LUC7L2: variants seen among roughly 807,000 people sequenced by gnomAD.
LUC7L2 encodes the protein putative RNA-binding protein Luc7-like 2.
A neutral mutation model predicts 52.8 loss-of-function variants in LUC7L2; 25 were observed. The observed-to-expected ratio is 0.47, with a 90% CI of 0.34 to 0.66. LUC7L2 has a LOEUF of 0.66. LUC7L2 is among the 30% of genes least tolerant of loss of function. LUC7L2 has a pLI of 0.01. For synonymous variants in LUC7L2, 144 were observed against 160.9 expected, an observed-to-expected ratio of 0.89 and a Z score of 0.80; for missense variants, 328 against 497.8, an observed-to-expected ratio of 0.66 and a Z score of 3.25.
At chr7:139,416,310 G>T (rs1795613961) in intron 8 of LUC7L2, 1 of 151,470 alleles carries the variant, frequency 6.6e-6, no homozygotes, top group South Asian at 2.1e-4. Context: ...TTGTGACCTG[G>T]TGGAGGCTAT....
At position 139,370,743 on chromosome 7, in the gene LUC7L2, C is replaced by T. The variant is rs142999848; in HGVS notation, c.62-5319C>T. Among the ~76,000 whole-genome samples, 22 of 152,372 alleles carry T rather than the reference C, an allele frequency of 1.4e-4. No individual in the cohort carries two copies. The East Asian group carries it at 4.2e-3, about 29-fold the overall frequency. ...GTGCTGGGATTACAGGCATGAGCCA[C>T]TGTGCCCAGTGACACAAGGTTTTAC... On this transcript the variant is annotated intron_variant, in intron 1 of 9. Coordinates refer to ENST00000354926, the MANE Select transcript of LUC7L2 (RefSeq NM_016019.5).
intron 2 of LUC7L2, among the ~76,000 whole-genome samples, chr7:139,394,280 A>G (rs1794570138): frequency 2.0e-5 from 3 of 152,198 alleles, no homozygotes; most frequent in Admixed American, 2.0e-4. Flanking sequence ...ACATAGGCAC[A>G]TCGTAGATAA....
At chr7:139,382,094 G>T (rs984835360) in intron 2 of LUC7L2, among the ~76,000 whole-genome samples, 5 of 151,854 alleles carry the variant, frequency 3.3e-5, no homozygotes, top group Non-Finnish European at 5.9e-5. Context: ...GTTTCACCAT[G>T]TTGGCCAGGG....
At chr7:139,373,447 G>GTT (rs1353358280) in intron 1 of LUC7L2, among the ~76,000 whole-genome samples, 3 of 152,142 alleles carry the variant, frequency 2.0e-5, no homozygotes, top group Non-Finnish European at 4.4e-5. Context: ...TATTTGTTGA[G>GTT]TTTGCTACGG....
At chr7:139,399,192 A>G (rs889130857) in intron 3 of LUC7L2, among the ~76,000 whole-genome samples, 1 of 152,102 alleles carries the variant, frequency 6.6e-6, no homozygotes, top group African/African-American at 2.4e-5. Flanking sequence ...CGTACTGAAC[A>G]TGTACAGACA....
intron 9 of LUC7L2, 112 bp from the exon 10 acceptor site, chr7:139,422,051 G>A: frequency 7.0e-7 from 1 of 1,437,624 alleles, no homozygotes; most frequent in Non-Finnish European, 9.1e-7. Context: ...TCTGTCATGG[G>A]TATATTCGTC....
At chr7:139,358,522 G>A (rs1386417088), upstream of LUC7L2, among the ~76,000 whole-genome samples, 2 of 152,068 alleles carry the variant, frequency 1.3e-5, no homozygotes, top group Non-Finnish European at 2.9e-5. Context: ...TTTAGGCGAT[G>A]AATATACAGT....
intron 2 of LUC7L2, among the ~76,000 whole-genome samples, chr7:139,376,425 C>G (rs1800714827): frequency 6.6e-6 from 1 of 152,108 alleles, no homozygotes; most frequent in Non-Finnish European, 1.5e-5. Context: ...AGTTATATAG[C>G]ATTTGTACTT....
chr7:139,342,125 G>A (rs1168694891), intron 1 of LUC7L2, among the ~76,000 whole-genome samples: 2 of 152,102 alleles, frequency 1.3e-5, no homozygotes, highest in Non-Finnish European at 2.9e-5. Flanking sequence ...TTTTTAAAAG[G>A]TGGCAACGTT....
At chr7:139,401,206 C>G (rs1397150083) in intron 3 of LUC7L2, among the ~76,000 whole-genome samples, 1 of 128,804 alleles carries the variant, frequency 7.8e-6, no homozygotes, top group East Asian at 2.0e-4. Context: ...ATGTGCGAGA[C>G]TCTTGTCTCA....
chr7:139,399,271 G>A (rs1794791649), intron 3 of LUC7L2, among the ~76,000 whole-genome samples: 1 of 151,662 alleles, frequency 6.6e-6, no homozygotes, highest in Non-Finnish European at 1.5e-5. Flanking sequence ...ATTGTATTAG[G>A]TATTATAAGT....
chr7:139,355,945 G>C (rs1277326049), upstream of LUC7L2, among the ~76,000 whole-genome samples: 1 of 152,134 alleles, frequency 6.6e-6, no homozygotes, highest in Non-Finnish European at 1.5e-5. Context: ...ATCTTTAAAA[G>C]AGTGAAAAAC....
rs1026902363 is a variant in LUC7L2, at chr7:139,362,772, A to G, written c.61+2450A>G. On this transcript the variant is annotated intron_variant, in intron 1 of 9. Coordinates refer to ENST00000354926, the MANE Select transcript of LUC7L2 (RefSeq NM_016019.5). ...GCACAGAGTCCTGGGGCTTTGGGAAAACATTACCTCCTCACCCCCTCAAGG... is the reference window on the plus strand; with the variant it reads ...GCACAGAGTCCTGGGGCTTTGGGAAGACATTACCTCCTCACCCCCTCAAGG... Among the ~76,000 whole-genome samples the G allele has an allele frequency of 2.0e-5, 3 of 152,016 alleles. No individual in the cohort carries two copies. In the East Asian group the frequency reaches 5.8e-4, roughly 29 times the overall value.
intron 1 of LUC7L2, among the ~76,000 whole-genome samples, chr7:139,361,872 T>G (rs1187030997): frequency 6.6e-6 from 1 of 152,232 alleles, no homozygotes; most frequent in Non-Finnish European, 1.5e-5. Context: ...TACATGATCC[T>G]TTTAATCCTT....
intron 2 of LUC7L2, among the ~76,000 whole-genome samples, chr7:139,394,799 G>A (rs924223514): frequency 6.6e-6 from 1 of 152,142 alleles, no homozygotes; most frequent in African/African-American, 2.4e-5. Context: ...ATGGTAAAGT[G>A]GAAGCAATAT....
chr7:139,374,821 GC>G, intron 1 of LUC7L2: 1 of 1,082,872 alleles, frequency 9.2e-7, no homozygotes, highest in South Asian at 3.1e-5. Flanking sequence ...TTTAAGTTAA[GC>G]TCTTTAGTAT....
At chr7:139,370,825 A>G (rs774334347) in intron 1 of LUC7L2, among the ~76,000 whole-genome samples, 1 of 152,170 alleles carries the variant, frequency 6.6e-6, no homozygotes, top group Non-Finnish European at 1.5e-5. Context: ...TTGGCCATGG[A>G]TCTTTATACA....
At chr7:139,344,766 G>A (rs566350195) in intron 1 of LUC7L2, 3 of 137,872 alleles carry the variant, frequency 2.2e-5, no homozygotes, top group Admixed American at 8.0e-5. Flanking sequence ...GCAGTGGCCC[G>A]ATCTTGGCTC....
At chr7:139,360,886 G>A (rs1799846259) in intron 1 of LUC7L2, among the ~76,000 whole-genome samples, 1 of 152,156 alleles carries the variant, frequency 6.6e-6, no homozygotes, top group African/African-American at 2.4e-5. Flanking sequence ...TTCTTAAGTG[G>A]GTGTGTTTGG....
Sources: gnomAD v4.1 joint callset for allele counts (sites outside exome capture counted in the v4.1 genomes callset) on GRCh38, gnomAD v4.1.1 for gene constraint, MANE v1.5 for transcripts, NCBI Gene and HGNC (gene_info 2026-07-23, HGNC 2026-07-21) for gene names.